Variants in MAML3 observed in about 807,000 individuals in gnomAD.
MAML3 encodes the protein mastermind-like protein 3.
A neutral mutation model predicts 101.9 loss-of-function variants in MAML3; 27 were observed. The observed-to-expected ratio is 0.27, with a 90% confidence interval of 0.20 to 0.37. MAML3 has a LOEUF of 0.37. MAML3 is among the 10% of genes least tolerant of loss of function. The pLI is 1.00. For synonymous variants in MAML3, 501 were observed against 555.9 expected (o/e 0.90, Z 1.39); for missense variants, 1,316 against 1,444.9 (o/e 0.91, Z 1.45).
rs559798606 is a variant in MAML3, at chr4:139,837,850, T to C, written c.2079+51507A>G. 4.7e-5 allele frequency among the ~76,000 whole-genome samples: 7 copies of C among 150,274 alleles called. No individual in the cohort carries two copies. In the South Asian group the frequency reaches 8.5e-4, roughly 18 times the overall value. On this transcript the variant is annotated intron_variant, in intron 2 of 4. Coordinates refer to ENST00000509479, the MANE Select transcript of MAML3 (RefSeq NM_018717.5). ...TAGGAGAATTGCTTGAACCTGGGAGTTGGAGTTTGCAGTGAGCCGAGATCA... is the reference window on the plus strand; with the variant it reads ...TAGGAGAATTGCTTGAACCTGGGAGCTGGAGTTTGCAGTGAGCCGAGATCA...
intron 2 of MAML3, among the ~76,000 whole-genome samples, chr4:139,836,375 A>G (rs1490604458): frequency 6.6e-6 from 1 of 152,232 alleles, no homozygotes; most frequent in Non-Finnish European, 1.5e-5. Context: ...AAAAGCATCA[A>G]TGCCATAAAA....
intron 2 of MAML3, among the ~76,000 whole-genome samples, chr4:139,870,192 G>A (rs1157987942): frequency 1.3e-5 from 2 of 152,294 alleles, no homozygotes; most frequent in East Asian, 3.9e-4. Flanking sequence ...GCTAGATAAT[G>A]CTTTGTTGTG....
intron 1 of MAML3, among the ~76,000 whole-genome samples, chr4:139,944,176 C>A (rs532086697): frequency 5.3e-4 from 80 of 149,970 alleles, no homozygotes; most frequent in Non-Finnish European, 1.0e-3. Flanking sequence ...GGCCTAAAGA[C>A]AACATTTTTT....
In MAML3 at chr4:139,893,703, A is replaced by G. The variant is rs78781903; in HGVS notation, c.469-2736T>C. Among the ~76,000 whole-genome samples, 1,451 of 152,196 alleles carry G rather than the reference A, an allele frequency of 9.5e-3. 21 individuals are homozygous for G. The highest frequency in any genetic ancestry group is 0.033 in the African/African-American group (1,363 of 41,530). On this transcript the variant is annotated intron_variant, in intron 1 of 4. Coordinates refer to ENST00000509479, the MANE Select transcript of MAML3 (RefSeq NM_018717.5). Reference sequence around the variant, plus strand: ...GAGTGATAGATCTCTTACCCTAAAGAGTGTTATCCACTTAACTGGACTCAT... The same window carrying G: ...GAGTGATAGATCTCTTACCCTAAAGGGTGTTATCCACTTAACTGGACTCAT...
At chr4:140,152,782 G>T (rs899805478) in intron 1 of MAML3, 78 bp downstream of exon 1, 1 of 1,551,336 alleles carries the variant, frequency 6.4e-7, no homozygotes, top group Non-Finnish European at 8.7e-7. Flanking sequence ...GTACCCCCAT[G>T]TAAGAAGCTC....
At chr4:139,835,979 GA>G (rs1731249851) in intron 2 of MAML3, among the ~76,000 whole-genome samples, 1 of 152,216 alleles carries the variant, frequency 6.6e-6, no homozygotes, top group Non-Finnish European at 1.5e-5. Flanking sequence ...GGTGCCTGGT[GA>G]GGGGTCTGGG....
intron 2 of MAML3, among the ~76,000 whole-genome samples, chr4:139,828,326 G>C (rs1220475707): frequency 6.6e-6 from 1 of 152,202 alleles, no homozygotes; most frequent in Non-Finnish European, 1.5e-5. Flanking sequence ...AAAAATTCAA[G>C]TCAAACATGT....
At chr4:139,816,534 A>G (rs1349384373) in intron 2 of MAML3, among the ~76,000 whole-genome samples, 1 of 151,728 alleles carries the variant, frequency 6.6e-6, no homozygotes, top group Non-Finnish European at 1.5e-5. Context: ...GCGGTGGGGG[A>G]GGGAGAGAGG....
intron 1 of MAML3, among the ~76,000 whole-genome samples, chr4:139,958,691 G>A (rs1733954524): frequency 6.6e-6 from 1 of 152,174 alleles, no homozygotes; most frequent in East Asian, 1.9e-4. Flanking sequence ...CTATCTTCAC[G>A]TTCAGGTCTT....
chr4:139,950,667 C>T lies in MAML3; in HGVS notation c.469-59700G>A, dbSNP rs28485148. ...TCTGGAACTGGGTAACACATTCTCC[C>T]GGGTTTGACTGTGGTAGATTCTAAA... On this transcript the variant is annotated intron_variant, in intron 1 of 4. Transcript: ENST00000509479. Among the ~76,000 whole-genome samples the T allele has an allele frequency of 3.5e-3, 537 of 152,288 alleles. 2 individuals are homozygous for T. Among genetic ancestry groups the T allele is most frequent in the African/African-American group, 0.012 (478 of 41,564 alleles).
chr4:140,129,834 G>C (rs565133322), intron 1 of MAML3, among the ~76,000 whole-genome samples: 1 of 151,922 alleles, frequency 6.6e-6, no homozygotes, highest in African/African-American at 2.4e-5. Context: ...GCATGGTGGC[G>C]TGCACCTGTA....
chr4:139,752,167 C>A (rs1178386705), intron 2 of MAML3, among the ~76,000 whole-genome samples: 1 of 152,182 alleles, frequency 6.6e-6, no homozygotes, highest in Non-Finnish European at 1.5e-5. Context: ...ATTCCTATTT[C>A]ATTAGCTCTA....
chr4:139,780,183 T>C (rs1396642832), intron 2 of MAML3, among the ~76,000 whole-genome samples: 2 of 152,254 alleles, frequency 1.3e-5, no homozygotes, highest in Non-Finnish European at 2.9e-5. Context: ...TAGTGGCTAC[T>C]ATATTGGGCT....
At chr4:140,123,969 A>G (rs1728647783) in intron 1 of MAML3, among the ~76,000 whole-genome samples, 1 of 152,210 alleles carries the variant, frequency 6.6e-6, no homozygotes, top group Non-Finnish European at 1.5e-5. Flanking sequence ...AATGAACCCC[A>G]AAGCGACTAA....
chr4:139,875,822 G>A (rs563455195), intron 2 of MAML3, among the ~76,000 whole-genome samples: 1 of 151,314 alleles, frequency 6.6e-6, no homozygotes, highest in South Asian at 2.1e-4. Flanking sequence ...GCCTGGCCAG[G>A]CGGAGGGCAC....
chr4:140,144,878 T>A (rs1227349624), intron 1 of MAML3, among the ~76,000 whole-genome samples: 1 of 152,216 alleles, frequency 6.6e-6, no homozygotes, highest in Non-Finnish European at 1.5e-5. Flanking sequence ...TTGCCTCTCC[T>A]ACCTTAACAC....
chr4:139,916,411 C>T (rs1733029647), intron 1 of MAML3, among the ~76,000 whole-genome samples: 1 of 152,228 alleles, frequency 6.6e-6, no homozygotes, highest in South Asian at 2.1e-4. Context: ...TAACCCAATG[C>T]CAGCCTGATC....
chr4:140,011,138 CACATATGTCA>C (rs1726550462), intron 1 of MAML3, among the ~76,000 whole-genome samples: 1 of 112,822 alleles, frequency 8.9e-6, no homozygotes, highest in East Asian at 2.9e-4. Context: ...TATATATATA[CACATATGTCA>C]TATATATTTA....
At chr4:139,868,582 G>GA (rs904778052) in intron 2 of MAML3, among the ~76,000 whole-genome samples, 2 of 152,128 alleles carry the variant, frequency 1.3e-5, no homozygotes, top group African/African-American at 4.8e-5. Flanking sequence ...CGTGCTCTTA[G>GA]AAAAAATTCA....
Sources: allele counts gnomAD v4.1 joint callset (sites outside exome capture counted in the v4.1 genomes callset), GRCh38; gene constraint gnomAD v4.1.1; transcripts MANE v1.5; gene names NCBI Gene and HGNC (gene_info 2026-07-23, HGNC 2026-07-21).